The following SHISA9 variants were observed in gnomAD, a reference collection of about 807,000 sequenced individuals.
SHISA9 encodes the protein shisa family member 9.
In SHISA9, 13 loss-of-function variants were observed where a neutral mutation model predicts 38.0. The observed-to-expected ratio is 0.34, with a 90% CI of 0.22 to 0.54. The LOEUF is 0.54. Ranked by LOEUF, SHISA9 falls within the 20% of genes least tolerant of loss-of-function variation. The pLI, the probability that SHISA9 is intolerant of heterozygous loss-of-function variation, is 0.91. For synonymous variants in SHISA9, 275 were observed against 242.0 expected (o/e 1.14, Z -1.27); for missense variants, 538 against 575.8 (o/e 0.93, Z 0.67).
chr16:13,244,733 G>A (rs1045327911), downstream of SHISA9, among the ~76,000 whole-genome samples: 1 of 152,080 alleles, frequency 6.6e-6, no homozygotes, highest in Non-Finnish European at 1.5e-5. Context: ...ATTGTTCTAG[G>A]GTCAGCTGTA....
rs145685651 is a variant in SHISA9 at position 13,231,408 on chromosome 16, T to C, written c.896-3622T>C. Reference sequence around the variant, plus strand: ...TTGAAGTTTCATGGCACTGGAAATCTAGAGCTTTCCTCCAAAAGGCAGGAA... The same window carrying C: ...TTGAAGTTTCATGGCACTGGAAATCCAGAGCTTTCCTCCAAAAGGCAGGAA... On this transcript the variant is annotated intron_variant, in intron 4 of 4. Transcript: ENST00000558583. Among the ~76,000 whole-genome samples the C allele has an allele frequency of 2.5e-3, 374 of 152,338 alleles. 2 individuals carry two copies. The highest frequency in any genetic ancestry group is 8.0e-3 in the African/African-American group (332 of 41,582).
At chr16:12,929,864 A>G (rs2071441043) in intron 2 of SHISA9, among the ~76,000 whole-genome samples, 1 of 152,158 alleles carries the variant, frequency 6.6e-6, no homozygotes, top group African/African-American at 2.4e-5. Flanking sequence ...GGTTTTACAT[A>G]CGCTCTTCCC....
intron 2 of SHISA9, among the ~76,000 whole-genome samples, chr16:13,008,636 T>TCCCC (rs2072628644): frequency 2.3e-5 from 1 of 43,376 alleles, no homozygotes. Context: ...CCCTCTCTCC[T>TCCCC]CCCTCCCTCC....
chr16:13,112,105 G>A (rs1380035361), intron 2 of SHISA9, among the ~76,000 whole-genome samples: 2 of 152,136 alleles, frequency 1.3e-5, no homozygotes, highest in African/African-American at 4.8e-5. Context: ...TCAGCAAAAG[G>A]GTAAGGATTT....
intron 3 of SHISA9, among the ~76,000 whole-genome samples, chr16:13,211,074 A>G (rs1470044752): frequency 6.6e-6 from 1 of 152,168 alleles, no homozygotes; most frequent in Non-Finnish European, 1.5e-5. Context: ...AAGCAGACAG[A>G]TCACTTGAGA....
intron 2 of SHISA9, among the ~76,000 whole-genome samples, chr16:12,957,931 G>A (rs560559563): frequency 6.6e-6 from 1 of 152,150 alleles, no homozygotes; most frequent in Admixed American, 6.5e-5. Flanking sequence ...AAGGGGGCTC[G>A]ACTTTCAAGA....
chr16:13,241,782 T>G (rs555257173), downstream of SHISA9, among the ~76,000 whole-genome samples: 3 of 152,286 alleles, frequency 2.0e-5, no homozygotes, highest in African/African-American at 7.2e-5. Flanking sequence ...ACAGGGTCAC[T>G]TAGCATCACC....
chr16:13,214,559 A>C (rs1281282319), intron 4 of SHISA9, among the ~76,000 whole-genome samples: 1 of 152,138 alleles, frequency 6.6e-6, no homozygotes, highest in Non-Finnish European at 1.5e-5. Context: ...CATTGCCAGG[A>C]TATCAGCAAG....
chr16:13,273,862 A>T, the SHISA9 span, among the ~76,000 whole-genome samples: 19 of 152,202 alleles, frequency 1.2e-4, no homozygotes, highest in African/African-American at 4.3e-4. Context: ...ATCAAAGTCC[A>T]TGGTTACCCA....
Position 13,240,375 on chromosome 16 carries a change from A to G in SHISA9, c.*4966A>G, listed in dbSNP as rs531927160. On this transcript the variant is annotated 3_prime_UTR_variant, in exon 5 of 5. Coordinates refer to ENST00000558583, the MANE Select transcript of SHISA9 (RefSeq NM_001145204.3). ...TGTAAACATATGTATTCACTATATT[A>G]ATATGAATTTCTTACCTGGCAATAA... 4.6e-5 allele frequency: 7 copies of G among 152,350 alleles called. No individual in the cohort carries two copies. The South Asian group carries it at 1.5e-3, about 32-fold the overall frequency. The allele number at this position is 152,350 out of a possible 1,614,324, so 9.4% of individuals were successfully genotyped here. A position where few individuals can be genotyped will look rare whatever the true frequency, so the allele number is the denominator to read the frequency against.
intron 1 of SHISA9, among the ~76,000 whole-genome samples, chr16:12,904,613 G>A (rs2071068579): frequency 6.6e-6 from 1 of 152,108 alleles, no homozygotes; most frequent in Admixed American, 6.5e-5. Flanking sequence ...AGAATCTAGG[G>A]GACCCAGTCC....
At chr16:13,060,874 G>A (rs1381966185) in intron 2 of SHISA9, among the ~76,000 whole-genome samples, 1 of 152,122 alleles carries the variant, frequency 6.6e-6, no homozygotes, top group African/African-American at 2.4e-5. Context: ...ATGGGTTAGG[G>A]CTATGCAAAG....
chr16:13,118,940 C>A (rs2074058997), intron 2 of SHISA9, among the ~76,000 whole-genome samples: 1 of 151,868 alleles, frequency 6.6e-6, no homozygotes, highest in Non-Finnish European at 1.5e-5. Context: ...CCTTGTTGGC[C>A]AGGCTGGTCT....
At chr16:13,561,193 A>G in the SHISA9 span, among the ~76,000 whole-genome samples, 2 of 152,104 alleles carry the variant, frequency 1.3e-5, no homozygotes, top group African/African-American at 4.8e-5. Flanking sequence ...TATCATATGT[A>G]CACTAGGGAC....
At chr16:13,479,064 C>G in the SHISA9 span, among the ~76,000 whole-genome samples, 2 of 152,156 alleles carry the variant, frequency 1.3e-5, no homozygotes, top group African/African-American at 4.8e-5. Context: ...GTCATCATGG[C>G]CTCCTACTGG....
chr16:13,285,396 G>A, the SHISA9 span, among the ~76,000 whole-genome samples: 7 of 150,908 alleles, frequency 4.6e-5, no homozygotes, highest in Admixed American at 3.3e-4. Flanking sequence ...TTCTGCCCAA[G>A]GCAAATTTCA....
At chr16:13,415,329 C>T in the SHISA9 span, among the ~76,000 whole-genome samples, 1 of 152,116 alleles carries the variant, frequency 6.6e-6, no homozygotes, top group East Asian at 1.9e-4. Flanking sequence ...CAAACTAACA[C>T]AGGGACAAAA....
chr16:13,386,399 ATGGCCCTTTGAAT>A, the SHISA9 span, among the ~76,000 whole-genome samples: 8 of 152,150 alleles, frequency 5.3e-5, no homozygotes, highest in Non-Finnish European at 8.8e-5. Context: ...GGGAGAAGAA[ATGGCCCTTTGAAT>A]TCAGACAAGT....
intron 2 of SHISA9, among the ~76,000 whole-genome samples, chr16:13,046,956 C>G (rs190923457): frequency 7.8e-4 from 119 of 152,246 alleles, no homozygotes; most frequent in Middle Eastern, 6.8e-3. Context: ...GCTCTTACCC[C>G]CTGTGTGCCT....
Sources: gnomAD v4.1 joint callset for allele counts (sites outside exome capture counted in the v4.1 genomes callset) on GRCh38, gnomAD v4.1.1 for gene constraint, MANE v1.5 for transcripts, NCBI Gene and HGNC (gene_info 2026-07-23, HGNC 2026-07-21) for gene names.